AKAP12: variants seen among roughly 807,000 people sequenced by gnomAD.
AKAP12 encodes A-kinase anchor protein 12.
In AKAP12, 32 loss-of-function variants were observed where a neutral mutation model predicts 79.9. The ratio of observed to expected loss-of-function variants is 0.40; its 90% confidence interval spans 0.30 to 0.54. The LOEUF (loss-of-function observed/expected upper bound fraction) is 0.54. AKAP12 is among the 20% of genes least tolerant of loss of function. AKAP12 has a pLI of 0.48. For missense variants in AKAP12, 2,074 were observed against 2,177.0 expected, an observed-to-expected ratio of 0.95 and a Z score of 0.94; for synonymous variants, 808 against 857.0, an observed-to-expected ratio of 0.94 and a Z score of 1.00.
chr6:151,300,261 G>A (rs1329315550), intron 2 of AKAP12, among the ~76,000 whole-genome samples: 2 of 152,034 alleles, frequency 1.3e-5, no homozygotes, highest in Non-Finnish European at 2.9e-5. Flanking sequence ...TGGTTATATT[G>A]GCTTCTGGTT....
chr6:151,248,044 C>G (rs1797109655), intron 2 of AKAP12, among the ~76,000 whole-genome samples: 1 of 141,940 alleles, frequency 7.0e-6, no homozygotes, highest in Non-Finnish European at 1.5e-5. Context: ...ACGAAATAAA[C>G]CAAAATTTAA....
intron 3 of AKAP12, among the ~76,000 whole-genome samples, chr6:151,332,033 G>GTTTTTTTTTTTT (rs71014573): frequency 1.1e-4 from 9 of 79,682 alleles, no homozygotes; most frequent in African/African-American, 4.9e-4. Context: ...TTCTGGGTCT[G>GTTTTTTTTTTTT]TTTTTTTTTT....
rs1355010077 is a variant in AKAP12 at position 151,240,780 on chromosome 6, TGGGGGTGG to T, written c.162+63_162+70del. 1.2e-3 allele frequency: 84 copies of T among 67,754 alleles called. 5 individuals carry two copies. Among genetic ancestry groups the T allele is most frequent in the Non-Finnish European group, 2.2e-3 (84 of 38,686 alleles). 4.2% of individuals were successfully genotyped at this position (67,754 alleles called of 1,614,324 possible). A position where few individuals can be genotyped will look rare whatever the true frequency, so the allele number is the denominator to read the frequency against. ...AGGCGCGGGTCTTTGGGGGTGGGGG[TGGGGGTGG>T]GGGGGTCCCTCCGATTTCCGCCGAG... On this transcript the variant is annotated intron_variant, in intron 2 of 4. Coordinates refer to ENST00000402676, the MANE Select transcript of AKAP12 (RefSeq NM_005100.4).
intron 2 of AKAP12, among the ~76,000 whole-genome samples, chr6:151,247,526 C>T (rs1797098191): frequency 1.3e-5 from 2 of 152,242 alleles, no homozygotes; most frequent in African/African-American, 4.8e-5. Flanking sequence ...CTCTCCTTTG[C>T]TCCTTTTCCT....
chr6:151,336,239 G>A (rs1777810483), intron 3 of AKAP12, among the ~76,000 whole-genome samples: 1 of 152,168 alleles, frequency 6.6e-6, no homozygotes, highest in Non-Finnish European at 1.5e-5. Context: ...ACAAGTGCAG[G>A]CATCTTTTTG....
In AKAP12 at chr6:151,352,886, G is replaced by T. The variant is rs1034763942; in HGVS notation, c.4495G>T (p.Asp1499Tyr). 6 of 1,614,146 alleles carry T rather than the reference G, an allele frequency of 3.7e-6. No individual in the cohort carries two copies. Among genetic ancestry groups the T allele is most frequent in the South Asian group, 2.2e-5 (2 of 91,042 alleles). ...TACTACCAAGAAAGGCTTAAGTTCC[G>T]ACCTGGAAGGAGAGAAAACCACATC... ...SATTKKGLSS[D>Y]LEGEKTTSLK... The change falls in exon 4 of 5, where the codon GAC (aspartate) becomes TAC (tyrosine). Residue 1499 changes from aspartate to tyrosine, a missense_variant. Transcript: ENST00000402676.
intron 3 of AKAP12, among the ~76,000 whole-genome samples, chr6:151,330,735 T>C (rs1257538285): frequency 2.0e-5 from 3 of 152,202 alleles, no homozygotes; most frequent in Admixed American, 6.5e-5. Flanking sequence ...CTTTAAAGTT[T>C]TTTTTTCTTT....
chr6:151,339,169 T>C (rs748333004), intron 3 of AKAP12, among the ~76,000 whole-genome samples: 3 of 152,174 alleles, frequency 2.0e-5, no homozygotes, highest in Non-Finnish European at 2.9e-5. Flanking sequence ...AGTGTAGGAG[T>C]TGACATATCG....
At chr6:151,289,889 T>C (rs967726) in intron 2 of AKAP12, among the ~76,000 whole-genome samples, 73,790 of 152,082 alleles carry the variant, frequency 0.49, 19,055 homozygotes, top group East Asian at 0.88. Context: ...AGATGTTTAA[T>C]TTGCAAATCC....
At chr6:151,266,682 G>T (rs1281848412) in intron 2 of AKAP12, among the ~76,000 whole-genome samples, 1 of 152,100 alleles carries the variant, frequency 6.6e-6, no homozygotes, top group Non-Finnish European at 1.5e-5. Context: ...TAAAATGTTT[G>T]TTACAAATGT....
chr6:151,271,844 G>C (rs901213692), intron 2 of AKAP12, among the ~76,000 whole-genome samples: 7 of 151,594 alleles, frequency 4.6e-5, no homozygotes, highest in African/African-American at 1.7e-4. Context: ...ATTTTTAGTA[G>C]AGACGGGGTT....
chr6:151,352,260 C>G lies in AKAP12; in HGVS notation c.3869C>G (p.Thr1290Arg). The G allele has an allele frequency of 6.2e-7, 1 of 1,614,146 alleles. No homozygotes were observed. The highest frequency in any genetic ancestry group is 8.5e-7 in the Non-Finnish European group (1 of 1,180,024). ...FFEGLEGSID[T>R]GITVSREKVT... is the part of the protein sequence containing the mutation. The stretch of plus-strand genomic sequence containing the variant: ...GAAGGACTTGAGGGGTCTATAGACA[C>G]AGGCATAACAGTCAGTCGGGAAAAG... The change falls in exon 4 of 5, where the codon ACA becomes AGA. Residue 1290 changes from threonine to arginine, a missense_variant. Coordinates refer to ENST00000402676, the MANE Select transcript of AKAP12 (RefSeq NM_005100.4).
intron 2 of AKAP12, among the ~76,000 whole-genome samples, chr6:151,241,903 G>A (rs1301989156): frequency 1.3e-5 from 2 of 151,224 alleles, no homozygotes; most frequent in Non-Finnish European, 2.9e-5. Flanking sequence ...TCTCTTTTGG[G>A]CTGAGAGACT....
At chr6:151,269,843 A>G (rs573294860) in intron 2 of AKAP12, among the ~76,000 whole-genome samples, 4 of 152,238 alleles carry the variant, frequency 2.6e-5, no homozygotes, top group African/African-American at 9.6e-5. Flanking sequence ...TCACTCCCCA[A>G]AGAAACCCCA....
chr6:151,288,121 G>A (rs935781658), intron 2 of AKAP12, among the ~76,000 whole-genome samples: 3 of 151,948 alleles, frequency 2.0e-5, no homozygotes, highest in Admixed American at 2.0e-4. Context: ...GTAGTTGACG[G>A]GTTGATGGGT....
intron 2 of AKAP12, among the ~76,000 whole-genome samples, chr6:151,241,050 C>A (rs1562702339): frequency 6.6e-6 from 1 of 152,078 alleles, no homozygotes; most frequent in East Asian, 1.9e-4. Context: ...GGGAGCCATG[C>A]AGCCCGAGGC....
At chr6:151,251,768 G>C (rs1018811875) in intron 2 of AKAP12, among the ~76,000 whole-genome samples, 1 of 152,164 alleles carries the variant, frequency 6.6e-6, no homozygotes, top group Non-Finnish European at 1.5e-5. Context: ...AGGCCGAGGC[G>C]GGCAGATCCC....
chr6:151,345,202 A>G (rs1037484546), intron 3 of AKAP12, among the ~76,000 whole-genome samples: 1 of 151,556 alleles, frequency 6.6e-6, no homozygotes, highest in Non-Finnish European at 1.5e-5. Context: ...CAGTCTCCTG[A>G]GTAGCTGGGA....
chr6:151,286,943 CTT>C (rs979438335), intron 2 of AKAP12, among the ~76,000 whole-genome samples: 8 of 145,992 alleles, frequency 5.5e-5, no homozygotes, highest in Non-Finnish European at 3.0e-5. Context: ...CTTTTTCTTT[CTT>C]TTTTTTTTTT....
Sources: gnomAD v4.1 joint callset for allele counts (sites outside exome capture counted in the v4.1 genomes callset) on GRCh38, gnomAD v4.1.1 for gene constraint, MANE v1.5 for transcripts, NCBI Gene and HGNC (gene_info 2026-07-23, HGNC 2026-07-21) for gene names.